Variants in ACTN2 observed in about 807,000 individuals in gnomAD.
ACTN2 encodes the protein alpha-actinin-2.
In ACTN2, 39 loss-of-function variants were observed where a neutral mutation model predicts 113.8. That is an observed-to-expected ratio of 0.34 (90% CI 0.27 to 0.45). The LOEUF (loss-of-function observed/expected upper bound fraction) is 0.45. Among genes scored for constraint, ACTN2 ranks in the 20% least tolerant of loss-of-function variants. ACTN2 has a pLI of 1.00. For missense variants in ACTN2, 992 were observed against 1,177.9 expected, an observed-to-expected ratio of 0.84 and a Z score of 2.31; for synonymous variants, 429 against 444.1, an observed-to-expected ratio of 0.97 and a Z score of 0.43.
chr1:236,695,725 A>G (rs1657479398), intron 1 of ACTN2, among the ~76,000 whole-genome samples: 1 of 152,168 alleles, frequency 6.6e-6, no homozygotes, highest in Non-Finnish European at 1.5e-5. Flanking sequence ...GAATTGGAAA[A>G]TGGAGACAAG....
At chr1:236,755,570 T>G (rs3768127) in intron 17 of ACTN2, among the ~76,000 whole-genome samples, 76,617 of 151,888 alleles carry the variant, frequency 0.5, 23,774 homozygotes, top group Non-Finnish European at 0.69. Context: ...GGGAAAATAT[T>G]TTTAGTGACA....
chr1:236,730,622 A>G (rs923139518), intron 6 of ACTN2, among the ~76,000 whole-genome samples: 7 of 152,122 alleles, frequency 4.6e-5, no homozygotes, highest in African/African-American at 1.7e-4. Flanking sequence ...TTATTTTGCT[A>G]TGTTATGTAT....
At chr1:236,751,052 T>A (rs1200106959) in intron 14 of ACTN2, among the ~76,000 whole-genome samples, 1 of 126,498 alleles carries the variant, frequency 7.9e-6, no homozygotes, top group East Asian at 2.4e-4. Flanking sequence ...ATTGCACCAC[T>A]GCACTCCAGC....
intron 4 of ACTN2, among the ~76,000 whole-genome samples, chr1:236,724,216 C>T (rs1043496319): frequency 3.9e-5 from 6 of 152,140 alleles, no homozygotes; most frequent in African/African-American, 1.2e-4. Flanking sequence ...TGCCAATGAG[C>T]AGGCTCCCTG....
chr1:236,729,426 C>T (rs77552284), intron 6 of ACTN2, among the ~76,000 whole-genome samples: 3,029 of 152,278 alleles, frequency 0.02, 97 homozygotes, highest in African/African-American at 0.069. Context: ...CGTTTCCTGC[C>T]GGGTGCTGGT....
At chr1:236,687,608 C>T (rs1665922344) in intron 1 of ACTN2, among the ~76,000 whole-genome samples, 1 of 152,222 alleles carries the variant, frequency 6.6e-6, no homozygotes, top group Non-Finnish European at 1.5e-5. Flanking sequence ...GGGGTTATGG[C>T]AAAAGCCAAA....
At chr1:236,726,935 T>C (rs1658567141) in intron 5 of ACTN2, among the ~76,000 whole-genome samples, 1 of 152,180 alleles carries the variant, frequency 6.6e-6, no homozygotes, top group African/African-American at 2.4e-5. Context: ...TGGCTCCTAG[T>C]TGGCCCAAGT....
At chr1:236,738,119 C>A (rs988269198) in intron 9 of ACTN2, among the ~76,000 whole-genome samples, 1 of 152,198 alleles carries the variant, frequency 6.6e-6, no homozygotes, top group South Asian at 2.1e-4. Context: ...AAGCAATTGT[C>A]CTGCCTCAGC....
chr1:236,713,262 C>T (rs1044934262), intron 1 of ACTN2, among the ~76,000 whole-genome samples: 8 of 151,026 alleles, frequency 5.3e-5, no homozygotes, highest in Non-Finnish European at 7.4e-5. Flanking sequence ...AGTTTCACTC[C>T]TGTTTCCCAG....
At chr1:236,694,170 G>A (rs1309259983) in intron 1 of ACTN2, among the ~76,000 whole-genome samples, 3 of 151,296 alleles carry the variant, frequency 2.0e-5, no homozygotes, top group Non-Finnish European at 4.4e-5. Flanking sequence ...AGGTCCCTGT[G>A]CCTCATTGGA....
At chr1:236,712,686 A>G (rs1658064563) in intron 1 of ACTN2, among the ~76,000 whole-genome samples, 1 of 152,124 alleles carries the variant, frequency 6.6e-6, no homozygotes, top group African/African-American at 2.4e-5. Flanking sequence ...CAAACAAAAA[A>G]CAGGTACTTT....
intron 4 of ACTN2, among the ~76,000 whole-genome samples, chr1:236,722,648 A>AAG (rs945372414): frequency 6.0e-5 from 9 of 149,472 alleles, no homozygotes; most frequent in Non-Finnish European, 1.2e-4. Flanking sequence ...AAAAAAAAAA[A>AAG]AAAGAAAAAG....
At chr1:236,751,736 A>G (rs1203272100) in intron 15 of ACTN2, 84 bp downstream of exon 15, 1 of 1,509,878 alleles carries the variant, frequency 6.6e-7, no homozygotes, top group East Asian at 2.3e-5. Context: ...TCGGGGACTT[A>G]GGGTGACGGC....
At position 236,751,646 on chromosome 1, in the gene ACTN2, G is replaced by T; in HGVS notation, c.1833G>T (p.Trp611Cys). 6.2e-7 allele frequency: 1 copy of T among 1,613,930 alleles called. No homozygotes were observed. The highest frequency in any genetic ancestry group is 8.5e-7 in the Non-Finnish European group (1 of 1,179,870). ...CCATGGATGAGCTCCGGACCAAGTG[G>T]GACAAGGTGGGTGGCTGAGGGCCTG... is the stretch of plus-strand genomic sequence containing the variant. Reference protein sequence around the residue: ...TVTMDELRTKWDKVKQLVPIR... With the variant: ...TVTMDELRTKCDKVKQLVPIR... The change falls in exon 15 of 21, where the codon TGG (tryptophan) becomes TGT (cysteine). Residue 611 changes from tryptophan (W) to cysteine (C), a missense_variant. By Grantham distance (215) the Trp-to-Cys change is radical. Around this residue, in one of 3 missense-constraint regions of ACTN2, gnomAD observed 736 missense variants for 815.4 expected, o/e 0.90. Transcript: ENST00000366578.
chr1:236,706,805 G>A (rs1252336902), intron 1 of ACTN2, among the ~76,000 whole-genome samples: 1 of 152,234 alleles, frequency 6.6e-6, no homozygotes, highest in Non-Finnish European at 1.5e-5. Flanking sequence ...AAACTTGGAA[G>A]TATTGAAAAC....
intron 1 of ACTN2, among the ~76,000 whole-genome samples, chr1:236,693,807 A>G (rs1429793828): frequency 6.6e-6 from 1 of 151,680 alleles, no homozygotes; most frequent in East Asian, 1.9e-4. Context: ...ATAAGACACA[A>G]GCCTGGTTGT....
At chr1:236,746,964 C>G (rs1393396825) in intron 12 of ACTN2, among the ~76,000 whole-genome samples, 1 of 152,158 alleles carries the variant, frequency 6.6e-6, no homozygotes, top group African/African-American at 2.4e-5. Flanking sequence ...AGTGGTGAGG[C>G]CAAGTGCCCT....
intron 1 of ACTN2, among the ~76,000 whole-genome samples, chr1:236,689,674 A>G (rs1361805368): frequency 6.6e-6 from 1 of 152,192 alleles, no homozygotes; most frequent in African/African-American, 2.4e-5. Context: ...ATTTTAAGAC[A>G]CTGAAATGCT....
intron 9 of ACTN2, among the ~76,000 whole-genome samples, chr1:236,737,533 G>A (rs1009159073): frequency 1.2e-4 from 15 of 128,030 alleles, no homozygotes; most frequent in African/African-American, 3.3e-4. Flanking sequence ...ACCCCTAGAC[G>A]ACCTTGGGTT....
Sources: allele counts gnomAD v4.1 joint callset (sites outside exome capture counted in the v4.1 genomes callset), GRCh38; gene constraint gnomAD v4.1.1; regional missense constraint gnomAD v4.1.1; transcripts MANE v1.5; gene names NCBI Gene and HGNC (gene_info 2026-07-23, HGNC 2026-07-21).